Variants in HS1BP3 observed in about 807,000 individuals in gnomAD.
The protein encoded by HS1BP3 is HCLS1 binding protein 3.
In HS1BP3, 32 loss-of-function variants were observed where a neutral mutation model predicts 33.5. The observed-to-expected ratio is 0.95, with a 90% CI of 0.72 to 1.28. The LOEUF (loss-of-function observed/expected upper bound fraction) is 1.28, where lower values mean the gene tolerates loss of function less well. Among genes scored for constraint, HS1BP3 ranks in the 50% most tolerant of loss-of-function variants. The probability of loss-of-function intolerance (pLI) is 0.00; values close to 1 mark genes in which losing one functional copy is unlikely to be tolerated. For synonymous variants in HS1BP3, 187 were observed against 209.2 expected, an observed-to-expected ratio of 0.89 and a Z score of 0.92; for missense variants, 486 against 502.3, an observed-to-expected ratio of 0.97 and a Z score of 0.31.
At chr2:20,646,484 T>G (rs1190593706) in intron 1 of HS1BP3, among the ~76,000 whole-genome samples, 1 of 152,240 alleles carries the variant, frequency 6.6e-6, no homozygotes. Flanking sequence ...TAGGCCACGC[T>G]GTCACCAGCA....
Position 20,617,882 on chromosome 2 carries a change from C to G in HS1BP3, c.*1105G>C, listed in dbSNP as rs1234599633. The G allele has an allele frequency of 6.6e-6, 1 of 152,652 alleles. No individual in the cohort carries two copies. Among genetic ancestry groups the G allele is most frequent in the Non-Finnish European group, 1.5e-5 (1 of 68,064 alleles). 9.5% of individuals were successfully genotyped at this position (152,652 alleles called of 1,614,324 possible). A position where few individuals can be genotyped will look rare whatever the true frequency, so the allele number is the denominator to read the frequency against. ...AGAATTTCCAAAGCACTGTGTGGTG[C>G]CTAGACCTGTGTACCAGCGCTCTGG... On this transcript the variant is annotated 3_prime_UTR_variant, in exon 7 of 7. Transcript: ENST00000304031.
In HS1BP3 at chr2:20,570,180, GAGT is replaced by G. The variant is rs1189261894; in HGVS notation, c.303-9668_303-9666del. ...CTTCTCATGGAAACGTTTGAAAAGAGAGTTTTTTTTCCCCCTTCTTTTAGGCTG... is the reference window on the plus strand; with the variant it reads ...CTTCTCATGGAAACGTTTGAAAAGAGTTTTTTTCCCCCTTCTTTTAGGCTG... On this transcript the variant is annotated intron_variant, in intron 5 of 5. Transcript: ENST00000446825. Among the ~76,000 whole-genome samples, 5 of 26,416 alleles carry G rather than the reference GAGT, an allele frequency of 1.9e-4. No homozygotes were observed. The East Asian group carries it at 0.064, about 339-fold the overall frequency. The allele number at this position is 26,416 out of a possible 152,430, so 17.3% of individuals were successfully genotyped here. A position where few individuals can be genotyped will look rare whatever the true frequency, so the allele number is the denominator to read the frequency against.
chr2:20,586,093 T>C (rs1015342041), intron 5 of HS1BP3, among the ~76,000 whole-genome samples: 2 of 152,214 alleles, frequency 1.3e-5, no homozygotes, highest in African/African-American at 4.8e-5. Context: ...AGTGTCCTCA[T>C]GGCGAGATGT....
chr2:20,577,528 G>A (rs10177787), intron 5 of HS1BP3, among the ~76,000 whole-genome samples: 125,484 of 152,108 alleles, frequency 0.82, 53,309 homozygotes, highest in Non-Finnish European at 0.92. Flanking sequence ...ACATGTTAGC[G>A]GCTTGGAGGT....
intron 4 of HS1BP3, chr2:20,634,785 A>T (rs1244551706): frequency 1.3e-5 from 2 of 152,262 alleles, no homozygotes; most frequent in Non-Finnish European, 2.9e-5. Context: ...TGAAAGATGA[A>T]GCAAAATCCA....
chr2:20,605,153 C>T (rs1694148015), intron 2 of HS1BP3, among the ~76,000 whole-genome samples: 1 of 152,194 alleles, frequency 6.6e-6, no homozygotes, highest in Non-Finnish European at 1.5e-5. Context: ...CAAGTCCCAG[C>T]TCTTATTATT....
At chr2:20,604,970 A>G (rs1694144055) in intron 2 of HS1BP3, among the ~76,000 whole-genome samples, 2 of 152,274 alleles carry the variant, frequency 1.3e-5, no homozygotes, top group Non-Finnish European at 2.9e-5. Flanking sequence ...TTAAAGTCCC[A>G]CGGGAGAAAA....
intron 2 of HS1BP3, chr2:20,606,446 G>A: frequency 2.1e-6 from 1 of 477,798 alleles, no homozygotes; most frequent in Non-Finnish European, 4.2e-6. Flanking sequence ...CACCATAGCT[G>A]GGGTTATAAG....
At chr2:20,576,634 G>T (rs1281568453) in intron 5 of HS1BP3, among the ~76,000 whole-genome samples, 1 of 152,228 alleles carries the variant, frequency 6.6e-6, no homozygotes, top group Non-Finnish European at 1.5e-5. Context: ...CATATGGCAG[G>T]TGCCAACAAA....
rs575248560 is a variant in HS1BP3, at chr2:20,622,433, C to T, written c.920+1463G>A. ...GAGCAGGGACTCCCCAAGCGCTCTG[C>T]GGGATGCTAAGGGGCACCACAGAGT... On this transcript the variant is annotated intron_variant, in intron 6 of 6. Coordinates refer to ENST00000304031, the MANE Select transcript of HS1BP3 (RefSeq NM_022460.4). 29 of 734,364 alleles carry T rather than the reference C, an allele frequency of 3.9e-5. No individual in the cohort carries two copies. The Admixed American group carries it at 4.3e-4, about 11-fold the overall frequency. 45.5% of individuals were successfully genotyped at this position (734,364 alleles called of 1,614,324 possible).
chr2:20,587,322 G>A (rs1476356369), intron 5 of HS1BP3, among the ~76,000 whole-genome samples: 1 of 152,190 alleles, frequency 6.6e-6, no homozygotes, highest in Non-Finnish European at 1.5e-5. Flanking sequence ...TAGGAAGCAT[G>A]TATAGAGGAA....
chr2:20,566,170 C>G (rs543487121), intron 5 of HS1BP3, among the ~76,000 whole-genome samples: 6 of 152,370 alleles, frequency 3.9e-5, no homozygotes, highest in Non-Finnish European at 8.8e-5. Context: ...AGGGAGTTCA[C>G]TCCTTGGGGA....
chr2:20,600,194 G>A (rs1694040365), intron 2 of HS1BP3, among the ~76,000 whole-genome samples: 1 of 152,192 alleles, frequency 6.6e-6, no homozygotes, highest in Non-Finnish European at 1.5e-5. Flanking sequence ...ATCTACGGGT[G>A]TCATTAAGAC....
intron 5 of HS1BP3, among the ~76,000 whole-genome samples, chr2:20,573,639 C>G (rs958191305): frequency 6.6e-6 from 1 of 152,264 alleles, no homozygotes; most frequent in Non-Finnish European, 1.5e-5. Context: ...CCACAGCTCT[C>G]AGCTGATATC....
At chr2:20,580,528 A>G (rs556348187) in intron 5 of HS1BP3, among the ~76,000 whole-genome samples, 6 of 144,170 alleles carry the variant, frequency 4.2e-5, no homozygotes, top group Admixed American at 2.7e-4. Context: ...CCAAAAAAAG[A>G]AAAAAAAAGA....
chr2:20,571,986 T>C (rs990908965), intron 5 of HS1BP3, among the ~76,000 whole-genome samples: 8 of 152,230 alleles, frequency 5.3e-5, no homozygotes, highest in Non-Finnish European at 1.2e-4. Context: ...TGCCTCATCT[T>C]ATTTCCAAGG....
chr2:20,593,584 C>A (rs530318026), intron 3 of HS1BP3, among the ~76,000 whole-genome samples: 1 of 152,310 alleles, frequency 6.6e-6, no homozygotes, highest in East Asian at 1.9e-4. Context: ...CCCCGCACTT[C>A]AGCCTCTGGT....
At chr2:20,594,085 C>T (rs1028708491) in intron 3 of HS1BP3, among the ~76,000 whole-genome samples, 2 of 152,232 alleles carry the variant, frequency 1.3e-5, no homozygotes, top group East Asian at 1.9e-4. Context: ...ATCGACCCAT[C>T]GGGGATGGCT....
At chr2:20,624,111 C>A in intron 5 of HS1BP3, 80 bp from the exon 6 acceptor site, 2 of 1,520,710 alleles carry the variant, frequency 1.3e-6, no homozygotes, top group African/African-American at 1.4e-5. Flanking sequence ...TGCCCCACCC[C>A]AGGAAGTCTT....
Sources: gnomAD v4.1 joint callset for allele counts (sites outside exome capture counted in the v4.1 genomes callset) on GRCh38, gnomAD v4.1.1 for gene constraint, MANE v1.5 for transcripts, NCBI Gene and HGNC (gene_info 2026-07-23, HGNC 2026-07-21) for gene names.